Variants in MAML3 observed in about 807,000 individuals in gnomAD.
MAML3 encodes the protein mastermind-like protein 3.
A neutral mutation model predicts 101.9 loss-of-function variants in MAML3; 27 were observed. The ratio of observed to expected loss-of-function variants is 0.27; its 90% CI spans 0.20 to 0.37. The LOEUF (loss-of-function observed/expected upper bound fraction) is 0.37. Ranked by LOEUF, MAML3 falls within the 10% of genes least tolerant of loss-of-function variation. The pLI is 1.00. For synonymous variants in MAML3, 501 were observed against 555.9 expected (o/e 0.90, Z 1.39); for missense variants, 1,316 against 1,444.9 (o/e 0.91, Z 1.45).
At chr4:139,975,065 C>T (rs1734303170) in intron 1 of MAML3, among the ~76,000 whole-genome samples, 1 of 152,042 alleles carries the variant, frequency 6.6e-6, no homozygotes, top group African/African-American at 2.4e-5. Flanking sequence ...TCCTATTAAC[C>T]TGCAAGTCAG....
chr4:140,143,622 G>T (rs568373270), intron 1 of MAML3, among the ~76,000 whole-genome samples: 26 of 152,256 alleles, frequency 1.7e-4, no homozygotes, highest in African/African-American at 6.3e-4. Flanking sequence ...TTAGCCGGGC[G>T]TGGTGGCGGG....
chr4:140,087,898 A>T (rs1727983849), intron 1 of MAML3, among the ~76,000 whole-genome samples: 2 of 152,172 alleles, frequency 1.3e-5, no homozygotes, highest in Admixed American at 1.3e-4. Context: ...CAGGAAAATG[A>T]GATTATATTT....
intron 1 of MAML3, among the ~76,000 whole-genome samples, chr4:139,912,964 C>G (rs908441528): frequency 6.6e-6 from 1 of 151,842 alleles, no homozygotes; most frequent in African/African-American, 2.4e-5. Flanking sequence ...GGGCATGAAT[C>G]TGCAGTAGGA....
At chr4:139,742,140 TTTTC>T (rs556332141) in intron 2 of MAML3, among the ~76,000 whole-genome samples, 909 of 89,038 alleles carry the variant, frequency 0.01, 9 homozygotes, top group African/African-American at 0.037. Flanking sequence ...TAAACTTTTC[TTTTC>T]TTTTCTTTTT....
At chr4:140,031,036 C>T (rs1726899788) in intron 1 of MAML3, among the ~76,000 whole-genome samples, 2 of 152,210 alleles carry the variant, frequency 1.3e-5, no homozygotes. Flanking sequence ...CAGCCGCAGA[C>T]TGTACTGATG....
chr4:139,982,684 T>C (rs1164331017), intron 1 of MAML3, among the ~76,000 whole-genome samples: 1 of 152,216 alleles, frequency 6.6e-6, no homozygotes, highest in African/African-American at 2.4e-5. Flanking sequence ...ATAACATTGA[T>C]GTATATGCAT....
At chr4:140,090,210 T>G (rs1482664209) in intron 1 of MAML3, among the ~76,000 whole-genome samples, 2 of 152,184 alleles carry the variant, frequency 1.3e-5, no homozygotes, top group Non-Finnish European at 2.9e-5. Context: ...TCAATGGACA[T>G]TCTACAGAGT....
chr4:140,033,769 C>G (rs977066575), intron 1 of MAML3, among the ~76,000 whole-genome samples: 3 of 152,184 alleles, frequency 2.0e-5, no homozygotes, highest in African/African-American at 7.2e-5. Context: ...ATTAAGTATG[C>G]ATGTGTAAGG....
chr4:139,823,156 C>A (rs1314919571), intron 2 of MAML3, among the ~76,000 whole-genome samples: 1 of 152,198 alleles, frequency 6.6e-6, no homozygotes, highest in Non-Finnish European at 1.5e-5. Flanking sequence ...CCTCATTATG[C>A]AAGTCAGTCA....
At chr4:140,102,147 G>A (rs1422345769) in intron 1 of MAML3, among the ~76,000 whole-genome samples, 1 of 152,082 alleles carries the variant, frequency 6.6e-6, no homozygotes, top group African/African-American at 2.4e-5. Context: ...CTGTGCTTGT[G>A]GGCATAAATT....
intron 1 of MAML3, among the ~76,000 whole-genome samples, chr4:139,942,725 A>G (rs1055354219): frequency 5.9e-5 from 9 of 151,912 alleles, no homozygotes; most frequent in African/African-American, 2.2e-4. Flanking sequence ...ATGATTAGGT[A>G]TATTTCTTAT....
At chr4:139,793,014 G>A (rs1323048382) in intron 2 of MAML3, among the ~76,000 whole-genome samples, 2 of 152,114 alleles carry the variant, frequency 1.3e-5, no homozygotes, top group Admixed American at 6.5e-5. Context: ...CCAAAGTGCT[G>A]GGATTACAGG....
chr4:140,149,931 G>GTTTC (rs201111513), intron 1 of MAML3, among the ~76,000 whole-genome samples: 5 of 85,224 alleles, frequency 5.9e-5, no homozygotes, highest in African/African-American at 2.1e-4. Flanking sequence ...TGTAGAGCAT[G>GTTTC]TTTCTTTCTT....
intron 2 of MAML3, among the ~76,000 whole-genome samples, chr4:139,827,010 G>A (rs1731073074): frequency 6.6e-6 from 1 of 152,300 alleles, no homozygotes; most frequent in African/African-American, 2.4e-5. Context: ...AGGTAAAAAT[G>A]AGTAACGACC....
intron 2 of MAML3, among the ~76,000 whole-genome samples, chr4:139,870,086 G>A (rs888839634): frequency 1.3e-5 from 2 of 152,214 alleles, no homozygotes; most frequent in African/African-American, 2.4e-5. Flanking sequence ...GCTTAGTACA[G>A]GTCTTGGCAC....
At position 139,744,262 on chromosome 4, in the gene MAML3, C is replaced by T. The variant is rs1424888984; in HGVS notation, c.2080-13595G>A. ...ACATGGAGCCTCAGACCCTTCCCTT[C>T]AAGCTGTGCAGCATTGCATATCCTT... On this transcript the variant is annotated intron_variant, in intron 2 of 4. Coordinates refer to ENST00000509479, the MANE Select transcript of MAML3 (RefSeq NM_018717.5). Among the ~76,000 whole-genome samples the T allele has an allele frequency of 2.6e-5, 4 of 152,212 alleles. No individual in the cohort carries two copies. The East Asian group carries it at 7.7e-4, about 29-fold the overall frequency.
chr4:140,063,407 CA>C (rs1257939008), intron 1 of MAML3, among the ~76,000 whole-genome samples: 5 of 152,142 alleles, frequency 3.3e-5, no homozygotes, highest in Non-Finnish European at 5.9e-5. Flanking sequence ...ACAAGTGACT[CA>C]AGTCATGCCA....
At chr4:139,863,831 G>GGTTTTTT (rs1731834466) in intron 2 of MAML3, among the ~76,000 whole-genome samples, 2 of 50,760 alleles carry the variant, frequency 3.9e-5, no homozygotes, top group South Asian at 8.5e-4. Flanking sequence ...CCAGAACATG[G>GGTTTTTT]GTTTTTTTTT....
chr4:139,884,341 A>T (rs1000425837), intron 2 of MAML3, among the ~76,000 whole-genome samples: 1 of 152,244 alleles, frequency 6.6e-6, no homozygotes, highest in African/African-American at 2.4e-5. Flanking sequence ...ATTGAAAGTG[A>T]AAAACATTCT....
Sources: allele counts gnomAD v4.1 joint callset (sites outside exome capture counted in the v4.1 genomes callset), GRCh38; gene constraint gnomAD v4.1.1; transcripts MANE v1.5; gene names NCBI Gene and HGNC (gene_info 2026-07-23, HGNC 2026-07-21).